Variants in QKI observed in about 807,000 individuals in gnomAD.
QKI encodes the protein QKI, KH domain containing RNA binding.
QKI carries 10 observed loss-of-function variants against 39.0 expected under a neutral mutation model. The ratio of observed to expected loss-of-function variants is 0.26; its 90% confidence interval spans 0.16 to 0.43. The LOEUF is 0.43. QKI is among the 20% of genes least tolerant of loss of function. QKI has a pLI of 1.00. For synonymous variants in QKI, 204 were observed against 155.4 expected (o/e 1.31, Z -2.33); for missense variants, 218 against 428.0 (o/e 0.51, Z 4.33).
At chr6:163,424,523 A>T (rs1788259728) in intron 1 of QKI, among the ~76,000 whole-genome samples, 1 of 152,132 alleles carries the variant, frequency 6.6e-6, no homozygotes, top group Non-Finnish European at 1.5e-5. Context: ...AAGCTTCTTC[A>T]TCTGTGAATG....
chr6:163,467,010 A>G (rs1231819788), intron 2 of QKI, among the ~76,000 whole-genome samples: 2 of 151,742 alleles, frequency 1.3e-5, no homozygotes, highest in East Asian at 1.9e-4. Context: ...ATACCAGAAT[A>G]TTAACTCAGC....
At chr6:163,512,330 G>T (rs1296613019) in intron 3 of QKI, among the ~76,000 whole-genome samples, 1 of 151,958 alleles carries the variant, frequency 6.6e-6, no homozygotes, top group Non-Finnish European at 1.5e-5. Context: ...AAAGGTCCTA[G>T]CAAGTGCAAT....
chr6:163,556,325 C>G (rs1411491633), intron 4 of QKI, among the ~76,000 whole-genome samples: 2 of 151,948 alleles, frequency 1.3e-5, no homozygotes, highest in African/African-American at 4.8e-5. Context: ...CCAGCCTGAC[C>G]AACATGGTGA....
intron 4 of QKI, among the ~76,000 whole-genome samples, chr6:163,545,509 G>A (rs1209775928): frequency 6.6e-6 from 1 of 152,082 alleles, no homozygotes; most frequent in Admixed American, 6.6e-5. Flanking sequence ...CTGTCCAGCC[G>A]TAATGTTGCC....
intron 2 of QKI, among the ~76,000 whole-genome samples, chr6:163,466,425 A>C (rs1276008552): frequency 7.3e-6 from 1 of 136,510 alleles, no homozygotes; most frequent in Non-Finnish European, 1.5e-5. Context: ...GAACCACAGA[A>C]AGCACCTAAT....
chr6:163,562,834 G>C (rs1017720672), intron 5 of QKI, among the ~76,000 whole-genome samples: 4 of 152,126 alleles, frequency 2.6e-5, no homozygotes, highest in Non-Finnish European at 5.9e-5. Context: ...ACAAATTGTT[G>C]ACATTAATTT....
chr6:163,553,553 A>G (rs994196253), intron 4 of QKI, among the ~76,000 whole-genome samples: 2 of 151,954 alleles, frequency 1.3e-5, no homozygotes, highest in Non-Finnish European at 2.9e-5. Context: ...TTTTTAATCT[A>G]TAAATTGATG....
At chr6:163,565,815 A>G in intron 6 of QKI, 1 of 1,363,702 alleles carries the variant, frequency 7.3e-7, no homozygotes, top group Non-Finnish European at 9.6e-7. Context: ...ATCTCACATT[A>G]AATTATTTTA....
At chr6:163,508,769 T>TC (rs1554269801) in intron 3 of QKI, among the ~76,000 whole-genome samples, 105 of 151,698 alleles carry the variant, frequency 6.9e-4, no homozygotes, top group African/African-American at 2.4e-3. Flanking sequence ...CCTCAGGTGA[T>TC]ACACCCACGT....
chr6:163,454,378 A>C (rs942700887), intron 1 of QKI, among the ~76,000 whole-genome samples: 2 of 152,186 alleles, frequency 1.3e-5, no homozygotes, highest in Non-Finnish European at 2.9e-5. Flanking sequence ...GATTTTAGGT[A>C]TTGCTACTTC....
chr6:163,499,810 AGGTTCTTGCTCTCATGG>A, intron 3 of QKI, among the ~76,000 whole-genome samples: 1 of 152,184 alleles, frequency 6.6e-6, no homozygotes, highest in South Asian at 2.1e-4. Context: ...CAAAACTGGG[AGGTTCTTGCTCTCATGG>A]AGCATAATTT....
chr6:163,420,154 C>CTTTTTTTTTTTTTTT (rs35131240), intron 1 of QKI, among the ~76,000 whole-genome samples: 33 of 60,580 alleles, frequency 5.4e-4, no homozygotes, highest in Non-Finnish European at 7.0e-4. Context: ...CTTTTCTTTT[C>CTTTTTTTTTTTTTTT]TTTTTTTTTT....
intron 2 of QKI, among the ~76,000 whole-genome samples, chr6:163,456,082 C>T (rs1044527513): frequency 6.6e-6 from 1 of 152,144 alleles, no homozygotes; most frequent in Non-Finnish European, 1.5e-5. Context: ...TAGAATAAGT[C>T]AAGTCTATTC....
chr6:163,554,799 T>G (rs1782481188), intron 4 of QKI, among the ~76,000 whole-genome samples: 1 of 152,258 alleles, frequency 6.6e-6, no homozygotes, highest in Non-Finnish European at 1.5e-5. Context: ...TTACAACCTC[T>G]ACCCCAGTCC....
chr6:163,431,831 T>TAAA (rs34131160), intron 1 of QKI, among the ~76,000 whole-genome samples: 3 of 140,844 alleles, frequency 2.1e-5, no homozygotes, highest in Admixed American at 7.1e-5. Context: ...CTGTTCTTAT[T>TAAA]AAAAAAAAAA....
chr6:163,556,089 A>G (rs926099238), intron 4 of QKI, among the ~76,000 whole-genome samples: 14 of 152,200 alleles, frequency 9.2e-5, no homozygotes, highest in African/African-American at 3.4e-4. Context: ...CACTGCCAAT[A>G]CCACACATTT....
intron 1 of QKI, chr6:163,415,902 G>A (rs2128205505): frequency 1.9e-6 from 1 of 513,482 alleles, no homozygotes; most frequent in Non-Finnish European, 3.9e-6. Context: ...GGAAGTCAGT[G>A]TGGGGCTCGT....
chr6:163,416,885 A>C (rs917468871), intron 1 of QKI, among the ~76,000 whole-genome samples: 1 of 149,212 alleles, frequency 6.7e-6, no homozygotes, highest in African/African-American at 2.5e-5. Flanking sequence ...CATTTGAAAG[A>C]TTGTGGAGGC....
chr6:163,499,214 T>C (rs979837298), intron 3 of QKI, among the ~76,000 whole-genome samples: 3 of 152,198 alleles, frequency 2.0e-5, no homozygotes, highest in Non-Finnish European at 4.4e-5. Context: ...ACTCTTGCAG[T>C]ATTAAAAATA....
Sources: gnomAD v4.1 joint callset for allele counts (sites outside exome capture counted in the v4.1 genomes callset) on GRCh38, gnomAD v4.1.1 for gene constraint, MANE v1.5 for transcripts, NCBI Gene and HGNC (gene_info 2026-07-23, HGNC 2026-07-21) for gene names.